MINAR1: variants seen among roughly 807,000 people sequenced by gnomAD.
MINAR1 encodes the protein membrane integral NOTCH2 associated receptor 1, also known as major intrinsically disordered Notch2-binding receptor 1.
A neutral mutation model predicts 65.1 loss-of-function variants in MINAR1; 40 were observed. That is an observed-to-expected ratio of 0.61 (90% confidence interval 0.48 to 0.80). The LOEUF (loss-of-function observed/expected upper bound fraction) is 0.80. MINAR1 is among the 30% of genes least tolerant of loss of function. MINAR1 has a pLI of 0.00. For missense variants in MINAR1, 1,128 were observed against 1,148.0 expected (o/e 0.98, Z 0.25); for synonymous variants, 482 against 449.1 (o/e 1.07, Z -0.93).
intron 1 of MINAR1, among the ~76,000 whole-genome samples, chr15:79,434,375 G>C (rs1894536355): frequency 6.6e-6 from 1 of 152,152 alleles, no homozygotes; most frequent in African/African-American, 2.4e-5. Context: ...TACTCTGTCT[G>C]AAACAGTCGT....
chr15:79,449,226 G>A (rs1056918740), intron 1 of MINAR1, among the ~76,000 whole-genome samples: 3 of 152,176 alleles, frequency 2.0e-5, no homozygotes, highest in African/African-American at 7.2e-5. Flanking sequence ...AGCGTATCCT[G>A]TAGGTTGCAG....
chr15:79,468,041 G>A, intron 3 of MINAR1, 146 bp from the exon 4 acceptor site: 1 of 634,938 alleles, frequency 1.6e-6, no homozygotes, highest in African/African-American at 1.9e-5. Context: ...CCTCAGGCAT[G>A]GGGCTGGTGG....
At chr15:79,450,645 A>G (rs1895161601) in intron 1 of MINAR1, among the ~76,000 whole-genome samples, 1 of 152,182 alleles carries the variant, frequency 6.6e-6, no homozygotes, top group Non-Finnish European at 1.5e-5. Context: ...CTGAAGGTCC[A>G]TGGGAGCATG....
At chr15:79,450,515 T>C (rs1285144178) in intron 1 of MINAR1, among the ~76,000 whole-genome samples, 1 of 151,544 alleles carries the variant, frequency 6.6e-6, no homozygotes, top group Non-Finnish European at 1.5e-5. Context: ...TGGAATCAGT[T>C]TTCTGAACTG....
At chr15:79,443,159 G>A (rs1438546409) in intron 1 of MINAR1, among the ~76,000 whole-genome samples, 2 of 152,160 alleles carry the variant, frequency 1.3e-5, no homozygotes, top group Admixed American at 1.3e-4. Flanking sequence ...AGAAACAGAG[G>A]GAACAAACGG....
chr15:79,452,008 T>G (rs1895219944), intron 1 of MINAR1, among the ~76,000 whole-genome samples: 1 of 151,558 alleles, frequency 6.6e-6, no homozygotes. Flanking sequence ...GTGTGGAGAT[T>G]GTGAGTGAGC....
At chr15:79,420,921 A>G in the MINAR1 span, 1 of 152,330 alleles carries the variant, frequency 6.6e-6, no homozygotes, top group East Asian at 1.9e-4. Context: ...AGCTTGAAAG[A>G]GTCTGTATGA....
At chr15:79,442,050 C>CTTT (rs57139012) in intron 1 of MINAR1, among the ~76,000 whole-genome samples, 1 of 139,750 alleles carries the variant, frequency 7.2e-6, no homozygotes, top group African/African-American at 2.6e-5. Context: ...GGTTTTTTTA[C>CTTT]TTTTTTTTTT....
At chr15:79,447,538 T>C (rs1447032295) in intron 1 of MINAR1, among the ~76,000 whole-genome samples, 1 of 152,210 alleles carries the variant, frequency 6.6e-6, no homozygotes, top group East Asian at 1.9e-4. Flanking sequence ...CATTGAGTAG[T>C]ATTTTCTCTT....
intron 1 of MINAR1, among the ~76,000 whole-genome samples, chr15:79,453,099 T>C (rs1006180812): frequency 2.6e-5 from 4 of 152,178 alleles, no homozygotes; most frequent in African/African-American, 7.2e-5. Context: ...CATTATGCTC[T>C]GAGTGGAGTT....
chr15:79,463,277 C>T lies in MINAR1; in HGVS notation c.2509C>T (p.Arg837Trp), dbSNP rs149327110. 1.0e-4 allele frequency: 164 copies of T among 1,614,148 alleles called. 1 individual carries two copies. Among genetic ancestry groups the T allele is most frequent in the East Asian group, 2.0e-4 (9 of 44,878 alleles). Residue 837 changes from arginine to tryptophan, a missense_variant, in exon 3 of 4, where the codon CGG becomes TGG. Transcript: ENST00000305428. ...QPSWTIEEYARNAGDKGKLTA... is the reference protein window; with the variant it reads ...QPSWTIEEYAWNAGDKGKLTA... The stretch of plus-strand genomic sequence containing the variant: ...TTCTTGGACCATTGAGGAGTATGCA[C>T]GGAATGCGGGCGACAAGGGCAAGCT...
At chr15:79,434,594 C>T (rs1894542978) in intron 1 of MINAR1, among the ~76,000 whole-genome samples, 1 of 152,222 alleles carries the variant, frequency 6.6e-6, no homozygotes, top group South Asian at 2.1e-4. Flanking sequence ...GCCCTGCTCT[C>T]TGCTCCAGCC....
intron 1 of MINAR1, among the ~76,000 whole-genome samples, chr15:79,440,011 C>G (rs1894826160): frequency 6.6e-6 from 1 of 152,088 alleles, no homozygotes; most frequent in African/African-American, 2.4e-5. Context: ...GGGAAGGAGA[C>G]ACAATGTGAG....
chr15:79,421,545 A>C, the MINAR1 span: 1 of 152,238 alleles, frequency 6.6e-6, no homozygotes, highest in Non-Finnish European at 1.5e-5. Context: ...ACAGCAGTCA[A>C]GCTCCAATTG....
chr15:79,432,620 C>CGCG (rs1894477781), intron 1 of MINAR1, 80 bp downstream of exon 1: 1 of 148,990 alleles, frequency 6.7e-6, no homozygotes, highest in Non-Finnish European at 1.5e-5. Context: ...GCGGTGTGCC[C>CGCG]GCGGCTCGGT....
rs369106668 is a variant in MINAR1, at chr15:79,456,808, G to A, written c.661G>A (p.Glu221Lys). Reference protein sequence around the residue: ...MQRTYFPMNIENESISDQDSL... With the variant: ...MQRTYFPMNIKNESISDQDSL... ...GAGGACCTACTTCCCCATGAACATC[G>A]AAAACGAGTCCATTTCAGACCAGGA... The change falls in exon 2 of 4, where the codon GAA becomes AAA. Residue 221 changes from glutamate (E) to lysine (K), a missense_variant. Coordinates refer to ENST00000305428, the MANE Select transcript of MINAR1 (RefSeq NM_015206.3). The A allele has an allele frequency of 5.3e-5, 85 of 1,613,998 alleles. No homozygotes were observed. Among genetic ancestry groups the A allele is most frequent in the Non-Finnish European group, 6.5e-5 (77 of 1,180,038 alleles).
In MINAR1 at chr15:79,456,622, C is replaced by T. The variant is rs141472919; in HGVS notation, c.475C>T (p.Arg159Trp). The T allele has an allele frequency of 3.7e-5, 59 of 1,614,124 alleles. No homozygotes were observed. The highest frequency in any genetic ancestry group is 1.3e-4 in the Admixed American group (8 of 60,020). ...CCCCATCAGGCAGTCGTCCAAGTGC[C>T]GGAAGATGGACTGCAAGGACTGCCC... ...GYPIRQSSKC[R>W]KMDCKDCPQF... The change falls in exon 2 of 4, where the codon CGG becomes TGG. Residue 159 changes from arginine (R) to tryptophan (W), a missense_variant. Physicochemically the swap from Arg to Trp is moderately radical, Grantham distance 101 (BLOSUM62 -3). Transcript: ENST00000305428.
chr15:79,458,486 A>T (rs751905029), intron 2 of MINAR1, 41 bp downstream of exon 2: 3 of 1,584,900 alleles, frequency 1.9e-6, no homozygotes, highest in Non-Finnish European at 2.6e-6. Context: ...CACCAGCTTC[A>T]TCATAGCCCT....
chr15:79,444,798 A>T (rs1291861516), intron 1 of MINAR1, among the ~76,000 whole-genome samples: 1 of 151,954 alleles, frequency 6.6e-6, no homozygotes, highest in Non-Finnish European at 1.5e-5. Flanking sequence ...GCAGGATATA[A>T]ATTCATTTTT....
Sources: allele counts gnomAD v4.1 joint callset (sites outside exome capture counted in the v4.1 genomes callset), GRCh38; gene constraint gnomAD v4.1.1; transcripts MANE v1.5; gene names NCBI Gene and HGNC (gene_info 2026-07-23, HGNC 2026-07-21).